Variants in CRADD observed in about 807,000 individuals in gnomAD.
The protein encoded by CRADD is CARD and death domain containing adaptor protein.
A neutral mutation model predicts 15.5 loss-of-function variants in CRADD; 9 were observed. The ratio of observed to expected loss-of-function variants is 0.58; its 90% confidence interval spans 0.35 to 1.01. The LOEUF is 1.01. CRADD is among the 50% of genes least tolerant of loss of function. The pLI is 0.02. For synonymous variants in CRADD, 118 were observed against 107.6 expected, an observed-to-expected ratio of 1.10 and a Z score of -0.60; for missense variants, 227 against 250.3, an observed-to-expected ratio of 0.91 and a Z score of 0.63.
At chr12:93,754,081 A>G (rs745607416) in intron 2 of CRADD, among the ~76,000 whole-genome samples, 15 of 152,368 alleles carry the variant, frequency 9.8e-5, no homozygotes, top group Admixed American at 2.6e-4. Flanking sequence ...GGAGGTTCCC[A>G]AACCTCAATT....
At chr12:93,753,673 T>C (rs1424596882) in intron 2 of CRADD, among the ~76,000 whole-genome samples, 2 of 152,234 alleles carry the variant, frequency 1.3e-5, no homozygotes, top group Non-Finnish European at 2.9e-5. Flanking sequence ...AATTAAATCT[T>C]AAAGCTCTGA....
intron 2 of CRADD, among the ~76,000 whole-genome samples, chr12:93,886,769 C>A (rs376767968): frequency 6.6e-6 from 1 of 152,206 alleles, no homozygotes; most frequent in South Asian, 2.1e-4. Flanking sequence ...GTGTGGCCAT[C>A]GAGACTGTCT....
At chr12:93,738,287 G>A in intron 2 of CRADD, 1 of 684,092 alleles carries the variant, frequency 1.5e-6, no homozygotes, top group South Asian at 1.6e-5. Flanking sequence ...GTGGGGATGA[G>A]GACCTGAAGG....
chr12:93,813,258 T>A (rs1957649479), intron 2 of CRADD, among the ~76,000 whole-genome samples: 2 of 152,082 alleles, frequency 1.3e-5, no homozygotes, highest in Admixed American at 1.3e-4. Context: ...AACATCCAAA[T>A]TCAAAAAAAC....
At chr12:93,830,866 A>T (rs1315426039) in intron 2 of CRADD, among the ~76,000 whole-genome samples, 1 of 152,216 alleles carries the variant, frequency 6.6e-6, no homozygotes, top group Non-Finnish European at 1.5e-5. Context: ...CAATCTCCAA[A>T]CAATTTACAG....
chr12:93,845,497 G>A (rs1477404768), intron 2 of CRADD, among the ~76,000 whole-genome samples: 10 of 152,156 alleles, frequency 6.6e-5, no homozygotes, highest in Admixed American at 3.3e-4. Flanking sequence ...GCTGGGTCAC[G>A]AGGATCAGTT....
chr12:93,881,439 T>TA (rs973378499), intron 2 of CRADD, among the ~76,000 whole-genome samples: 2 of 90,118 alleles, frequency 2.2e-5, no homozygotes, highest in Non-Finnish European at 5.3e-5. Flanking sequence ...AAAAAAAGTG[T>TA]GGGGGGGGGG....
intron 2 of CRADD, among the ~76,000 whole-genome samples, chr12:93,692,736 A>G (rs1035282653): frequency 6.6e-6 from 1 of 152,170 alleles, no homozygotes; most frequent in African/African-American, 2.4e-5. Context: ...GGAGTCTTCA[A>G]GTGGAAAGAA....
At position 93,850,582 on chromosome 12, in the gene CRADD, C is replaced by G; in HGVS notation, c.*311C>G. On this transcript the variant is annotated 3_prime_UTR_variant, in exon 3 of 3. Transcript: ENST00000332896. The surrounding 1 kb of genome is among the most constrained non-coding windows in gnomAD (Gnocchi z 4.0). ...ATCACAGTGGTTCAAAATATATATCCATATATATATATATCCATATATATA... is the reference window on the plus strand; with the variant it reads ...ATCACAGTGGTTCAAAATATATATCGATATATATATATATCCATATATATA... The G allele has an allele frequency of 1.1e-6, 1 of 883,492 alleles. No homozygotes were observed. Among genetic ancestry groups the G allele is most frequent in the Non-Finnish European group, 1.4e-6 (1 of 723,948 alleles). The allele number at this position is 883,492 out of a possible 1,614,324, so 54.7% of individuals were successfully genotyped here.
chr12:93,756,964 G>A lies in CRADD; in HGVS notation c.298+77892G>A, dbSNP rs528380858. The stretch of plus-strand genomic sequence containing the variant: ...AATGATTCAGTTTAACAGAAAATCA[G>A]TTAATTTATTTGCCAGTCTATTTGT... On this transcript the variant is annotated intron_variant, in intron 2 of 2. Coordinates refer to ENST00000332896, the MANE Select transcript of CRADD (RefSeq NM_003805.5). 2.0e-5 allele frequency among the ~76,000 whole-genome samples: 3 copies of A among 152,338 alleles called. No homozygotes were observed. The East Asian group carries it at 5.8e-4, about 29-fold the overall frequency.
At chr12:93,753,639 A>G (rs2136942322) in intron 2 of CRADD, among the ~76,000 whole-genome samples, 1 of 152,350 alleles carries the variant, frequency 6.6e-6, no homozygotes, top group East Asian at 1.9e-4. Context: ...GGCTCCATGC[A>G]AGTTTGAAAT....
At chr12:93,794,456 G>A (rs139470474) in intron 2 of CRADD, among the ~76,000 whole-genome samples, 4 of 152,082 alleles carry the variant, frequency 2.6e-5, no homozygotes, top group Admixed American at 1.3e-4. Flanking sequence ...CTAGAGCCCC[G>A]AACCTTAGGC....
chr12:93,845,217 G>A (rs1269462578), intron 2 of CRADD, among the ~76,000 whole-genome samples: 1 of 152,198 alleles, frequency 6.6e-6, no homozygotes, highest in Non-Finnish European at 1.5e-5. Context: ...AGTGTTCATG[G>A]AAAGCAGCAG....
At chr12:93,851,547 G>C (rs1470008287), downstream of CRADD, among the ~76,000 whole-genome samples, 1 of 152,182 alleles carries the variant, frequency 6.6e-6, no homozygotes, top group Non-Finnish European at 1.5e-5. Flanking sequence ...GCAGCTCATT[G>C]TCAGCTTTCA....
At chr12:93,893,866 C>T (rs944012325) in intron 2 of CRADD, among the ~76,000 whole-genome samples, 2 of 151,594 alleles carry the variant, frequency 1.3e-5, no homozygotes, top group African/African-American at 4.9e-5. Flanking sequence ...CACCACTGCA[C>T]TCCAGCCTGG....
chr12:93,718,316 C>T (rs973355492), intron 2 of CRADD, among the ~76,000 whole-genome samples: 1 of 152,114 alleles, frequency 6.6e-6, no homozygotes, highest in Non-Finnish European at 1.5e-5. Context: ...TTATTCAATT[C>T]TTCTTTGGTT....
chr12:93,739,970 A>G (rs1956643282), intron 2 of CRADD, among the ~76,000 whole-genome samples: 1 of 152,140 alleles, frequency 6.6e-6, no homozygotes, highest in Non-Finnish European at 1.5e-5. Context: ...TTTATTTTGG[A>G]GCACCTAACT....
intron 2 of CRADD, among the ~76,000 whole-genome samples, chr12:93,869,886 C>A (rs1456370819): frequency 1.3e-5 from 2 of 152,146 alleles, no homozygotes; most frequent in South Asian, 2.1e-4. Context: ...GGAGACTTGG[C>A]TGAAAATTTT....
rs371699995 is a variant in CRADD at position 93,748,904 on chromosome 12, C to G, written c.298+69832C>G. 6.6e-5 allele frequency among the ~76,000 whole-genome samples: 10 copies of G among 152,330 alleles called. No homozygotes were observed. In the South Asian group the frequency reaches 1.2e-3, roughly 19 times the overall value. Reference sequence around the variant, plus strand: ...GCCTTATCCCATGGCCAGGGCCTAGCAGGAGTAGCAGTAAGCCCTCCAAGA... The same window carrying G: ...GCCTTATCCCATGGCCAGGGCCTAGGAGGAGTAGCAGTAAGCCCTCCAAGA... On this transcript the variant is annotated intron_variant, in intron 2 of 2. Transcript: ENST00000332896.
Sources: allele counts gnomAD v4.1 joint callset (sites outside exome capture counted in the v4.1 genomes callset), GRCh38; gene constraint gnomAD v4.1.1; non-coding constraint Gnocchi (gnomAD v3.1); transcripts MANE v1.5; gene names NCBI Gene and HGNC (gene_info 2026-07-23, HGNC 2026-07-21).